The following MAD2L1 variants were observed in gnomAD, a reference collection of about 807,000 sequenced individuals.
The protein encoded by MAD2L1 is mitotic spindle assembly checkpoint protein MAD2A.
A neutral mutation model predicts 25.9 loss-of-function variants in MAD2L1; 10 were observed. The ratio of observed to expected loss-of-function variants is 0.39; its 90% CI spans 0.24 to 0.66. The LOEUF is 0.66. Ranked by LOEUF, MAD2L1 falls within the 30% of genes least tolerant of loss-of-function variation. The probability of loss-of-function intolerance (pLI) is 0.49; values close to 1 mark genes in which losing one functional copy is unlikely to be tolerated. For synonymous variants in MAD2L1, 81 were observed against 91.8 expected (o/e 0.88, Z 0.67); for missense variants, 180 against 246.4 (o/e 0.73, Z 1.80).
intron 2 of MAD2L1, among the ~76,000 whole-genome samples, chr4:120,064,019 G>C (rs1203134527): frequency 6.6e-6 from 1 of 152,064 alleles, no homozygotes; most frequent in Non-Finnish European, 1.5e-5. Context: ...CTTGCCTCTA[G>C]GGAAGAGCAA....
chr4:120,064,700 A>C (rs1266268874), intron 2 of MAD2L1, among the ~76,000 whole-genome samples: 2 of 152,156 alleles, frequency 1.3e-5, no homozygotes, highest in Non-Finnish European at 2.9e-5. Flanking sequence ...TGTACACATA[A>C]ATGGCAAGGC....
At chr4:120,062,147 T>TA (rs751859554) in intron 2 of MAD2L1, 52 bp from the exon 3 acceptor site, 1 of 1,557,694 alleles carries the variant, frequency 6.4e-7, no homozygotes, top group Non-Finnish European at 8.7e-7. Flanking sequence ...CATCATAAAG[T>TA]AGCTCTCTTC....
chr4:120,066,712 TC>T lies in MAD2L1; in HGVS notation c.22del (p.Glu8SerfsTer48). ...GCTCCCGCGCAGGGTGATTCCCTGCTCCCGGGAGAGCTGCAGCGCCATGGCC... is the reference window on the plus strand; with the variant it reads ...GCTCCCGCGCAGGGTGATTCCCTGCTCCGGGAGAGCTGCAGCGCCATGGCC... MALQLSR[E>X]QGITLRGSAE... On this transcript the variant is annotated frameshift_variant, in exon 1 of 5. Transcript: ENST00000296509. LOFTEE classifies it high-confidence loss of function. The T allele has an allele frequency of 6.2e-7, 1 of 1,602,614 alleles. No homozygotes were observed.
In MAD2L1 at chr4:120,060,189, G is replaced by A. The variant is rs1726188019; in HGVS notation, c.547C>T (p.Leu183Phe). ...QFITNSEEVR[L>F]RSFTTTIHKV... ...TGGATTGTAGTAGTAAATGAACGAA[G>A]GCGGACTTCCTCAGAATTGGTAATA... The change falls in exon 5 of 5, where the codon CTT becomes TTT. Residue 183 changes from leucine to phenylalanine, a missense_variant. By Grantham distance (22) the Leu-to-Phe change is conservative. Coordinates refer to ENST00000296509, the MANE Select transcript of MAD2L1 (RefSeq NM_002358.4). The A allele has an allele frequency of 9.9e-6, 16 of 1,612,528 alleles. No individual in the cohort carries two copies. Among genetic ancestry groups the A allele is most frequent in the Non-Finnish European group, 1.4e-5 (16 of 1,179,482 alleles).
At chr4:120,065,628 T>C (rs1268987416) in intron 2 of MAD2L1, 44 bp downstream of exon 2, 9 of 1,600,808 alleles carry the variant, frequency 5.6e-6, no homozygotes, top group Admixed American at 1.7e-5. Flanking sequence ...CTTAAGATGC[T>C]AGAAAATCTG....
rs1427340543 is a variant in MAD2L1, at chr4:120,055,791, T to C, written c.*4327A>G. On this transcript the variant is annotated 3_prime_UTR_variant, in exon 5 of 5. Coordinates refer to ENST00000296509, the MANE Select transcript of MAD2L1 (RefSeq NM_002358.4). Reference sequence around the variant, plus strand: ...CAATTCTTCTGATTAGTTGGAAAATTGTTTCATTACTGTTCACAAATTCAT... The same window carrying C: ...CAATTCTTCTGATTAGTTGGAAAATCGTTTCATTACTGTTCACAAATTCAT... The C allele has an allele frequency of 6.6e-6, 1 of 152,190 alleles. No individual in the cohort carries two copies. The highest frequency in any genetic ancestry group is 2.4e-5 in the African/African-American group (1 of 41,440). 9.4% of individuals were successfully genotyped at this position (152,190 alleles called of 1,614,324 possible).
chr4:120,063,028 C>T (rs1726251423), intron 2 of MAD2L1, among the ~76,000 whole-genome samples: 1 of 152,138 alleles, frequency 6.6e-6, no homozygotes, highest in African/African-American at 2.4e-5. Flanking sequence ...TTATTTCTGG[C>T]TGGACGGTTT....
At chr4:120,062,765 A>C (rs1329455730) in intron 2 of MAD2L1, among the ~76,000 whole-genome samples, 2 of 152,246 alleles carry the variant, frequency 1.3e-5, no homozygotes, top group African/African-American at 4.8e-5. Context: ...GATGTAAAGC[A>C]ATTAGACTTG....
At position 120,066,799 on chromosome 4, in the gene MAD2L1, A is replaced by G. The variant is rs906023534; in HGVS notation, c.-65T>C. 1.7e-6 allele frequency: 2 copies of G among 1,192,330 alleles called. No individual in the cohort carries two copies. The highest frequency in any genetic ancestry group is 2.5e-6 in the Non-Finnish European group (2 of 813,566). The allele number at this position is 1,192,330 out of a possible 1,614,324, so 73.9% of individuals were successfully genotyped here. ...GGACAGCAACCACAGCGGCTCCAAC[A>G]GCACTTCCCCGCCAAGCGTTTCAAA... On this transcript the variant is annotated 5_prime_UTR_variant, in exon 1 of 5. Transcript: ENST00000296509.
At position 120,059,061 on chromosome 4, in the gene MAD2L1, G is replaced by A. The variant is rs536208798; in HGVS notation, c.*1057C>T. Reference sequence around the variant, plus strand: ...ACTGGATAGAAAGCATGTACCAGATGAGGGTATTAATGAAAGCACAGGAAT... The same window carrying A: ...ACTGGATAGAAAGCATGTACCAGATAAGGGTATTAATGAAAGCACAGGAAT... On this transcript the variant is annotated 3_prime_UTR_variant, in exon 5 of 5. Coordinates refer to ENST00000296509, the MANE Select transcript of MAD2L1 (RefSeq NM_002358.4). 6.6e-6 allele frequency: 1 copy of A among 152,306 alleles called. No individual in the cohort carries two copies. Among genetic ancestry groups the A allele is most frequent in the South Asian group, 2.1e-4 (1 of 4,828 alleles). 9.4% of individuals were successfully genotyped at this position (152,306 alleles called of 1,614,324 possible).
At chr4:120,061,574 G>T (rs1003289160) in intron 3 of MAD2L1, among the ~76,000 whole-genome samples, 1 of 152,186 alleles carries the variant, frequency 6.6e-6, no homozygotes. Context: ...AAGTGTCTTA[G>T]GAAGTAGATG....
rs911184208 is a variant in MAD2L1 at position 120,056,505 on chromosome 4, A to C, written c.*3613T>G. The C allele has an allele frequency of 9.8e-5, 15 of 152,296 alleles. No homozygotes were observed. The highest frequency in any genetic ancestry group is 3.6e-4 in the African/African-American group (15 of 41,548). 9.4% of individuals were successfully genotyped at this position (152,296 alleles called of 1,614,324 possible). On this transcript the variant is annotated 3_prime_UTR_variant, in exon 5 of 5. Coordinates refer to ENST00000296509, the MANE Select transcript of MAD2L1 (RefSeq NM_002358.4). ...CATAGCTATTCTGATCTTTCATGTA[A>C]ATTTTAGATAAATTTTACATACTAA...
At chr4:120,061,892 A>G (rs1370524684) in intron 3 of MAD2L1, 83 bp downstream of exon 3, 1 of 1,058,786 alleles carries the variant, frequency 9.4e-7, no homozygotes, top group Non-Finnish European at 1.3e-6. Context: ...AAACTAGTTC[A>G]ATACAATTAG....
chr4:120,061,251 A>T (rs1350442876), intron 3 of MAD2L1, among the ~76,000 whole-genome samples: 1 of 152,146 alleles, frequency 6.6e-6, no homozygotes, highest in Non-Finnish European at 1.5e-5. Context: ...ATGACTAGAA[A>T]ATTTGCCAAT....
intron 2 of MAD2L1, among the ~76,000 whole-genome samples, chr4:120,063,686 T>C (rs539204097): frequency 6.6e-6 from 1 of 152,036 alleles, no homozygotes; most frequent in South Asian, 2.1e-4. Context: ...TGAAAAAGGC[T>C]AGAGGAAATT....
In MAD2L1 at chr4:120,060,959, A is replaced by G; in HGVS notation, c.360T>C (p.Ser120=). The G allele has an allele frequency of 1.2e-6, 2 of 1,608,908 alleles. No homozygotes were observed. The highest frequency in any genetic ancestry group is 1.7e-6 in the Non-Finnish European group (2 of 1,175,800). Residue 120 remains serine, a synonymous_variant, in exon 4 of 5, where the codon TCT becomes TCC. Coordinates refer to ENST00000296509, the MANE Select transcript of MAD2L1 (RefSeq NM_002358.4). ...GGATTTCATCCTGGATAGCTTTCTG[A>G]GACTTTTCTCTGGGTGCACTGTCAA... ...AKDDSAPREK[S]QKAIQDEIRS...
At chr4:120,066,374 A>G (rs2110510040) in intron 1 of MAD2L1, among the ~76,000 whole-genome samples, 1 of 152,088 alleles carries the variant, frequency 6.6e-6, no homozygotes, top group Middle Eastern at 3.5e-3. Context: ...ACACATACGC[A>G]TACACTGGGG....
Position 120,058,353 on chromosome 4 carries a change from C to T in MAD2L1, c.*1765G>A, listed in dbSNP as rs573711627. 5.9e-5 allele frequency: 9 copies of T among 151,860 alleles called. No homozygotes were observed. The highest frequency in any genetic ancestry group is 3.4e-3 in the Middle Eastern group (1 of 294). 9.4% of individuals were successfully genotyped at this position (151,860 alleles called of 1,614,324 possible). On this transcript the variant is annotated 3_prime_UTR_variant, in exon 5 of 5. Coordinates refer to ENST00000296509, the MANE Select transcript of MAD2L1 (RefSeq NM_002358.4). ...CAACCTTTAAAAATGTGATTTCAGC[C>T]GGGCGCAGTGGCTCACGCCTGTAAT... is the stretch of plus-strand genomic sequence containing the variant.
rs182761177 is a variant in MAD2L1 at position 120,059,972 on chromosome 4, C to A, written c.*146G>T. ...ATAGGTACCAAAAAAATAAAAGGAA[C>A]AATTACACACAGTTCAGTAAGTATC... On this transcript the variant is annotated 3_prime_UTR_variant, in exon 5 of 5. Coordinates refer to ENST00000296509, the MANE Select transcript of MAD2L1 (RefSeq NM_002358.4). The A allele has an allele frequency of 1.8e-4, 104 of 581,082 alleles. No individual in the cohort carries two copies. The Middle Eastern group carries it at 3.0e-3, about 16-fold the overall frequency. 36.0% of individuals were successfully genotyped at this position (581,082 alleles called of 1,614,324 possible).
Sources: gnomAD v4.1 joint callset for allele counts (sites outside exome capture counted in the v4.1 genomes callset) on GRCh38, gnomAD v4.1.1 for gene constraint, MANE v1.5 for transcripts, NCBI Gene and HGNC (gene_info 2026-07-23, HGNC 2026-07-21) for gene names.